Variants in SCAPER observed in about 807,000 individuals in gnomAD.
SCAPER encodes the protein S-phase cyclin A associated protein in the ER.
In SCAPER, 98 loss-of-function variants were observed where a neutral mutation model predicts 182.2. That is an observed-to-expected ratio of 0.54 (90% CI 0.46 to 0.64). The LOEUF is 0.64. Ranked by LOEUF, SCAPER falls within the 30% of genes least tolerant of loss-of-function variation. The pLI, the probability that SCAPER is intolerant of heterozygous loss-of-function variation, is 0.00. For missense variants in SCAPER, 1,432 were observed against 1,690.0 expected (o/e 0.85, Z 2.68); for synonymous variants, 605 against 564.6 (o/e 1.07, Z -1.01).
chr15:76,428,866 C>CTATATATATATATATATATATATA (rs375991391), intron 26 of SCAPER, among the ~76,000 whole-genome samples: 1,684 of 79,030 alleles, frequency 0.021, 108 homozygotes, highest in Non-Finnish European at 0.025. Context: ...GATCATTATA[C>CTATATATATATATATATATATATA]TATATATATA....
At chr15:76,379,446 T>C (rs1190376739) in intron 28 of SCAPER, among the ~76,000 whole-genome samples, 2 of 122,870 alleles carry the variant, frequency 1.6e-5, no homozygotes, top group Admixed American at 7.3e-5. Flanking sequence ...TAATTGTTTT[T>C]TATTTATTTT....
intron 30 of SCAPER, among the ~76,000 whole-genome samples, chr15:76,352,325 G>C (rs967116436): frequency 6.6e-6 from 1 of 151,646 alleles, no homozygotes; most frequent in Admixed American, 6.6e-5. Context: ...TTTAATGAAA[G>C]ATCTGTGAAG....
chr15:76,470,194 C>T (rs950335194), intron 25 of SCAPER, among the ~76,000 whole-genome samples: 2 of 152,114 alleles, frequency 1.3e-5, no homozygotes, highest in South Asian at 4.1e-4. Context: ...CTACTAAGTG[C>T]CAGGTCCTAT....
At chr15:76,477,746 T>TA (rs961294940) in intron 24 of SCAPER, among the ~76,000 whole-genome samples, 7 of 152,302 alleles carry the variant, frequency 4.6e-5, no homozygotes, top group African/African-American at 1.7e-4. Context: ...TCAGTATGAT[T>TA]AGAGATTTTT....
At chr15:76,792,436 C>T (rs2065060457) in intron 8 of SCAPER, among the ~76,000 whole-genome samples, 1 of 152,160 alleles carries the variant, frequency 6.6e-6, no homozygotes, top group African/African-American at 2.4e-5. Flanking sequence ...CCATCAATTT[C>T]TCCCATCCCA....
At chr15:76,485,797 T>C (rs1338369990) in intron 24 of SCAPER, among the ~76,000 whole-genome samples, 1 of 152,158 alleles carries the variant, frequency 6.6e-6, no homozygotes, top group African/African-American at 2.4e-5. Flanking sequence ...AGACTCCCTA[T>C]TCAATAAACG....
At chr15:76,632,212 CAG>C (rs2053174194) in intron 21 of SCAPER, among the ~76,000 whole-genome samples, 1 of 152,108 alleles carries the variant, frequency 6.6e-6, no homozygotes, top group Non-Finnish European at 1.5e-5. Flanking sequence ...TTGTTTGAGA[CAG>C]AGTCTCACTC....
At chr15:76,690,027 T>G (rs2058265927) in intron 20 of SCAPER, among the ~76,000 whole-genome samples, 1 of 151,946 alleles carries the variant, frequency 6.6e-6, no homozygotes. Context: ...ATAGTCCTCC[T>G]CTGGAAGCTG....
At chr15:76,450,682 T>A (rs2048315853) in intron 25 of SCAPER, among the ~76,000 whole-genome samples, 1 of 152,102 alleles carries the variant, frequency 6.6e-6, no homozygotes, top group Admixed American at 6.5e-5. Context: ...GCCTCCTGAG[T>A]AGCTGGGATT....
chr15:76,381,529 T>C lies in SCAPER; in HGVS notation c.3554A>G (p.His1185Arg), dbSNP rs2042941704. ...LQATDLAGVLHMLYCVLFHGT... is the reference protein window; with the variant it reads ...LQATDLAGVLRMLYCVLFHGT... ...ATGGAAGAGGACACAGTAGAGCATATGAAGAACTCCAGCCAGGTCGGTTGC... is the reference window on the plus strand; with the variant it reads ...ATGGAAGAGGACACAGTAGAGCATACGAAGAACTCCAGCCAGGTCGGTTGC... The change falls in exon 28 of 32, where the codon CAT (histidine) becomes CGT (arginine). Residue 1185 changes from histidine (H) to arginine (R), a missense_variant. Physicochemically the swap from His to Arg is conservative, Grantham distance 29 (BLOSUM62 0). Around this residue, in one of 5 missense-constraint regions of SCAPER, gnomAD observed 718 missense variants for 799.7 expected, o/e 0.90. Coordinates refer to ENST00000563290, the MANE Select transcript of SCAPER (RefSeq NM_020843.4). The C allele has an allele frequency of 6.2e-7, 1 of 1,613,028 alleles. No individual in the cohort carries two copies. Among genetic ancestry groups the C allele is most frequent in the Non-Finnish European group, 8.5e-7 (1 of 1,179,614 alleles).
At chr15:76,364,698 T>G (rs2041689964) in intron 29 of SCAPER, among the ~76,000 whole-genome samples, 1 of 152,128 alleles carries the variant, frequency 6.6e-6, no homozygotes, top group Non-Finnish European at 1.5e-5. Context: ...CAGGGATGCT[T>G]GTTTACAGCC....
intron 15 of SCAPER, among the ~76,000 whole-genome samples, chr15:76,742,792 T>C (rs747531604): frequency 7.9e-5 from 12 of 152,074 alleles, no homozygotes; most frequent in Non-Finnish European, 1.3e-4. Flanking sequence ...ATCTTGAGTA[T>C]GTAACAGGAC....
chr15:76,799,166 A>C (rs1418524541), intron 7 of SCAPER, among the ~76,000 whole-genome samples: 1 of 152,222 alleles, frequency 6.6e-6, no homozygotes, highest in Non-Finnish European at 1.5e-5. Context: ...TCTATTGCAA[A>C]GGAAATTGTT....
At chr15:76,583,634 A>C (rs1389691864) in intron 22 of SCAPER, among the ~76,000 whole-genome samples, 1 of 152,226 alleles carries the variant, frequency 6.6e-6, no homozygotes, top group Non-Finnish European at 1.5e-5. Flanking sequence ...ATTTCTCAAG[A>C]GAAGACATAC....
At chr15:76,773,277 C>T (rs2063567513) in intron 9 of SCAPER, among the ~76,000 whole-genome samples, 1 of 151,836 alleles carries the variant, frequency 6.6e-6, no homozygotes. Flanking sequence ...ATTAACTTGG[C>T]TGCCATCAGC....
At chr15:76,391,561 C>T (rs2043699261) in intron 27 of SCAPER, among the ~76,000 whole-genome samples, 2 of 152,196 alleles carry the variant, frequency 1.3e-5, no homozygotes, top group South Asian at 4.1e-4. Context: ...CCTTGGATGC[C>T]TATTTCCTAA....
chr15:76,875,927 C>G (rs12903331), intron 2 of SCAPER, among the ~76,000 whole-genome samples: 49,746 of 151,540 alleles, frequency 0.33, 8,381 homozygotes, highest in East Asian at 0.55. Context: ...CGGTGGGGGG[C>G]GGGGTCAGGC....
chr15:76,457,334 A>C (rs1055413066), intron 25 of SCAPER, among the ~76,000 whole-genome samples: 3 of 152,186 alleles, frequency 2.0e-5, no homozygotes, highest in Admixed American at 1.3e-4. Flanking sequence ...CAGAGCTGGG[A>C]TTATAGGCAT....
intron 29 of SCAPER, among the ~76,000 whole-genome samples, chr15:76,355,211 C>T (rs1031808124): frequency 1.3e-5 from 2 of 152,208 alleles, no homozygotes; most frequent in Non-Finnish European, 2.9e-5. Context: ...GATGATAATG[C>T]AGTTTAGTTT....
Sources: allele counts gnomAD v4.1 joint callset (sites outside exome capture counted in the v4.1 genomes callset), GRCh38; gene constraint gnomAD v4.1.1; regional missense constraint gnomAD v4.1.1; transcripts MANE v1.5; gene names NCBI Gene and HGNC (gene_info 2026-07-23, HGNC 2026-07-21).